The following FRAS1 variants were observed in gnomAD, a reference collection of about 807,000 sequenced individuals.
The protein encoded by FRAS1 is extracellular matrix organizing protein FRAS1.
In FRAS1, 290 loss-of-function variants were observed where a neutral mutation model predicts 435.2. That is an observed-to-expected ratio of 0.67 (90% CI 0.61 to 0.73). FRAS1 has a LOEUF of 0.73. Ranked by LOEUF, FRAS1 falls within the 30% of genes least tolerant of loss-of-function variation. FRAS1 has a pLI of 0.00. For synonymous variants in FRAS1, 1,800 were observed against 1,851.0 expected, an observed-to-expected ratio of 0.97 and a Z score of 0.71; for missense variants, 4,860 against 5,001.5, an observed-to-expected ratio of 0.97 and a Z score of 0.85.
chr4:78,263,132 A>G (rs114009153), intron 6 of FRAS1, among the ~76,000 whole-genome samples: 4,046 of 152,256 alleles, frequency 0.027, 184 homozygotes, highest in African/African-American at 0.091. Flanking sequence ...TAACAACAAA[A>G]GTATACTGTC....
At chr4:78,356,735 G>A (rs1443806588) in intron 20 of FRAS1, among the ~76,000 whole-genome samples, 1 of 151,970 alleles carries the variant, frequency 6.6e-6, no homozygotes, top group African/African-American at 2.4e-5. Context: ...TTGTATGTCA[G>A]AGTTTTCTTA....
chr4:78,306,432 C>T (rs537494004), intron 14 of FRAS1, among the ~76,000 whole-genome samples: 14 of 122,002 alleles, frequency 1.1e-4, no homozygotes, highest in African/African-American at 4.2e-4. Flanking sequence ...TGGGGAAGTT[C>T]TCCTGGATAA....
At chr4:78,113,812 T>C (rs1042173388) in intron 2 of FRAS1, among the ~76,000 whole-genome samples, 21 of 152,254 alleles carry the variant, frequency 1.4e-4, no homozygotes, top group African/African-American at 5.1e-4. Context: ...TCTTTTGCTG[T>C]GCAGAAGTTC....
At chr4:78,063,199 A>T (rs1739836282) in intron 1 of FRAS1, among the ~76,000 whole-genome samples, 1 of 152,068 alleles carries the variant, frequency 6.6e-6, no homozygotes, top group Non-Finnish European at 1.5e-5. Flanking sequence ...AAAGACCTCC[A>T]CTCTGGCTTT....
chr4:78,192,341 G>C (rs564935107), intron 2 of FRAS1, among the ~76,000 whole-genome samples: 1 of 152,310 alleles, frequency 6.6e-6, no homozygotes, highest in African/African-American at 2.4e-5. Flanking sequence ...GATAGGAATA[G>C]TTTCAGAAGG....
intron 29 of FRAS1, among the ~76,000 whole-genome samples, chr4:78,393,561 C>CT (rs1194574120): frequency 6.6e-6 from 1 of 152,020 alleles, no homozygotes; most frequent in Non-Finnish European, 1.5e-5. Context: ...GCTTATTTTG[C>CT]CTGGCATAAT....
intron 2 of FRAS1, among the ~76,000 whole-genome samples, chr4:78,102,775 T>C (rs965057316): frequency 1.3e-5 from 2 of 152,188 alleles, no homozygotes; most frequent in Non-Finnish European, 2.9e-5. Context: ...CTGCTTCAGA[T>C]CTGAGGGAAG....
intron 18 of FRAS1, among the ~76,000 whole-genome samples, chr4:78,330,174 T>G (rs995606119): frequency 1.6e-4 from 25 of 152,228 alleles, no homozygotes; most frequent in Admixed American, 1.5e-3. Context: ...TTTTGTAATT[T>G]CTTATGCCTG....
chr4:78,505,396 C>T (rs567304368), intron 61 of FRAS1, among the ~76,000 whole-genome samples: 1 of 152,122 alleles, frequency 6.6e-6, no homozygotes, highest in South Asian at 2.1e-4. Flanking sequence ...TTCACATAGT[C>T]CTATATTTCT....
intron 2 of FRAS1, among the ~76,000 whole-genome samples, chr4:78,232,006 A>G (rs1377389258): frequency 6.6e-6 from 1 of 152,134 alleles, no homozygotes. Flanking sequence ...GGAAAGGAGG[A>G]TTTTAAAGTG....
intron 18 of FRAS1, among the ~76,000 whole-genome samples, chr4:78,326,564 G>A (rs1175755587): frequency 1.3e-5 from 2 of 152,116 alleles, no homozygotes; most frequent in South Asian, 2.1e-4. Flanking sequence ...TTGGAAGTGA[G>A]GAATATGAGA....
At chr4:78,468,084 C>T (rs912717042) in intron 50 of FRAS1, among the ~76,000 whole-genome samples, 2 of 152,110 alleles carry the variant, frequency 1.3e-5, no homozygotes, top group African/African-American at 4.8e-5. Context: ...TTGATGTGAT[C>T]CCATTTGTCC....
In FRAS1 at chr4:78,532,099, A is replaced by T. The variant is rs186769572; in HGVS notation, c.10926-2350A>T. Among the ~76,000 whole-genome samples the T allele has an allele frequency of 7.9e-5, 12 of 152,304 alleles. No homozygotes were observed. The East Asian group carries it at 2.1e-3, about 27-fold the overall frequency. ...CCCTCACTTTTTCAAAACACTCCACAGTTTAAATAAACCCTAAAGTCCTGA... is the reference window on the plus strand; with the variant it reads ...CCCTCACTTTTTCAAAACACTCCACTGTTTAAATAAACCCTAAAGTCCTGA... On this transcript the variant is annotated intron_variant, in intron 70 of 73. Transcript: ENST00000512123.
intron 2 of FRAS1, among the ~76,000 whole-genome samples, chr4:78,072,611 C>T (rs72654634): frequency 0.052 from 7,896 of 152,090 alleles, 241 homozygotes; most frequent in East Asian, 0.1. Context: ...TCCTTAATTT[C>T]CCTAAAGGTA....
At chr4:78,249,074 T>TATATATGCATATATATATATATATGC (rs1553934066) in intron 4 of FRAS1, among the ~76,000 whole-genome samples, 1 of 94,734 alleles carries the variant, frequency 1.1e-5, no homozygotes, top group Non-Finnish European at 2.1e-5. Flanking sequence ...CATATATATA[T>TATATATGCATATATATATATATATGC]ATATATATAT....
intron 59 of FRAS1, among the ~76,000 whole-genome samples, chr4:78,489,636 A>G (rs1720281548): frequency 6.6e-6 from 1 of 152,168 alleles, no homozygotes; most frequent in African/African-American, 2.4e-5. Context: ...TTTGTCTCCC[A>G]CTTACAATCA....
intron 30 of FRAS1, among the ~76,000 whole-genome samples, chr4:78,405,162 A>G (rs1323617249): frequency 1.3e-5 from 2 of 152,184 alleles, no homozygotes; most frequent in Non-Finnish European, 2.9e-5. Context: ...TTACATAAAA[A>G]TTTAGGTTTG....
chr4:78,504,113 G>A (rs1720760908), intron 61 of FRAS1, among the ~76,000 whole-genome samples: 1 of 152,296 alleles, frequency 6.6e-6, no homozygotes, highest in South Asian at 2.1e-4. Context: ...TTTTCCATTT[G>A]CTGAGGAGTA....
intron 3 of FRAS1, among the ~76,000 whole-genome samples, chr4:78,240,937 C>T (rs547674424): frequency 2.9e-4 from 44 of 152,204 alleles, no homozygotes; most frequent in Middle Eastern, 6.8e-3. Flanking sequence ...TTGTATTAAC[C>T]GTGTTGAGCA....
Sources: gnomAD v4.1 joint callset for allele counts (sites outside exome capture counted in the v4.1 genomes callset) on GRCh38, gnomAD v4.1.1 for gene constraint, MANE v1.5 for transcripts, NCBI Gene and HGNC (gene_info 2026-07-23, HGNC 2026-07-21) for gene names.